PROM1: variants seen among roughly 807,000 people sequenced by gnomAD.
PROM1 encodes the protein prominin-1.
A neutral mutation model predicts 116.9 loss-of-function variants in PROM1; 105 were observed. The observed-to-expected ratio is 0.90, with a 90% CI of 0.77 to 1.06. The LOEUF (loss-of-function observed/expected upper bound fraction) is 1.06, where lower values mean the gene tolerates loss of function less well. Ranked by LOEUF, PROM1 falls within the 50% of genes least tolerant of loss-of-function variation. PROM1 has a pLI of 0.00. For synonymous variants in PROM1, 393 were observed against 387.0 expected (o/e 1.02, Z -0.18); for missense variants, 1,122 against 1,045.2 (o/e 1.07, Z -1.01).
At chr4:16,066,433 G>C (rs1234262266) in intron 2 of PROM1, among the ~76,000 whole-genome samples, 2 of 152,140 alleles carry the variant, frequency 1.3e-5, no homozygotes, top group Non-Finnish European at 2.9e-5. Context: ...TTCCACTTTA[G>C]AGAGGGAAAA....
chr4:16,071,632 G>A (rs1742850729), intron 2 of PROM1, among the ~76,000 whole-genome samples: 1 of 152,176 alleles, frequency 6.6e-6, no homozygotes, highest in African/African-American at 2.4e-5. Flanking sequence ...CCTGCACCCA[G>A]GAAAGAGCAT....
intron 9 of PROM1, among the ~76,000 whole-genome samples, chr4:16,017,283 A>G (rs1728631907): frequency 6.6e-6 from 1 of 152,204 alleles, no homozygotes; most frequent in African/African-American, 2.4e-5. Flanking sequence ...AAGGGTGTGA[A>G]CAGGGATCCA....
chr4:15,990,592 A>G (rs1720725228), intron 18 of PROM1, among the ~76,000 whole-genome samples: 1 of 152,240 alleles, frequency 6.6e-6, no homozygotes, highest in South Asian at 2.1e-4. Context: ...AAACAGATCC[A>G]GAGCTAAAGT....
In PROM1 at chr4:15,989,835, A is replaced by C; in HGVS notation, c.1984-11T>G. 1 of 1,572,716 alleles carries C rather than the reference A, an allele frequency of 6.4e-7. No individual in the cohort carries two copies. ...CAAATTTCCTGGGGGCTACAAAAAGAATAAAAAACAAAGATCAATACCATC... is the reference window on the plus strand; with the variant it reads ...CAAATTTCCTGGGGGCTACAAAAAGCATAAAAAACAAAGATCAATACCATC... On this transcript the variant is annotated splice_polypyrimidine_tract_variant and intron_variant, in intron 18 of 27. Coordinates refer to ENST00000447510, the MANE Select transcript of PROM1 (RefSeq NM_006017.3).
At chr4:16,006,513 A>G (rs1416288787) in intron 13 of PROM1, 25 bp downstream of exon 13, 5 of 1,562,996 alleles carry the variant, frequency 3.2e-6, no homozygotes, top group African/African-American at 2.7e-5. Flanking sequence ...CCACTCCCAC[A>G]TGACAGAGAG....
intron 14 of PROM1, among the ~76,000 whole-genome samples, chr4:15,999,974 A>G (rs376756760): frequency 2.6e-5 from 4 of 152,210 alleles, no homozygotes; most frequent in East Asian, 1.9e-4. Flanking sequence ...GAGAGGGAGA[A>G]AGCGAAGCTT....
In PROM1 at chr4:16,016,231, C is replaced by T. The variant is rs761733264; in HGVS notation, c.1012G>A (p.Val338Met). 1.8e-5 allele frequency: 28 copies of T among 1,549,464 alleles called. No homozygotes were observed. The South Asian group carries it at 2.5e-4, about 14-fold the overall frequency. Residue 338 changes from valine to methionine, a missense_variant, in exon 10 of 28, where the codon GTG (valine) becomes ATG (methionine). Physicochemically the swap from Val to Met is conservative, Grantham distance 21. Coordinates refer to ENST00000447510, the MANE Select transcript of PROM1 (RefSeq NM_006017.3). ...SNPELRQLPPVDAELDNVNNV... is the reference protein window; with the variant it reads ...SNPELRQLPPMDAELDNVNNV... ...TTAACGTTGTCAAGTTCTGCATCCA[C>T]GGGTGGAAGCTGAAAATTTATAAAA...
chr4:16,041,269 A>C (rs1157570882), intron 2 of PROM1, among the ~76,000 whole-genome samples: 1 of 152,258 alleles, frequency 6.6e-6, no homozygotes, highest in Non-Finnish European at 1.5e-5. Flanking sequence ...AGTTACACTT[A>C]AGAAGGCTCT....
intron 23 of PROM1, among the ~76,000 whole-genome samples, chr4:15,982,258 C>T (rs938406032): frequency 2.0e-5 from 3 of 152,196 alleles, no homozygotes; most frequent in Non-Finnish European, 4.4e-5. Flanking sequence ...ACCTGCTTCA[C>T]CCTCACAGCT....
Position 16,000,505 on chromosome 4 carries a change from T to C in PROM1, c.1569A>G (p.Glu523=). The C allele has an allele frequency of 6.3e-7, 1 of 1,590,718 alleles. No homozygotes were observed. Among genetic ancestry groups the C allele is most frequent in the Non-Finnish European group, 8.6e-7 (1 of 1,160,642 alleles). The change falls in exon 14 of 28, where the codon GAA becomes GAG. Residue 523 remains glutamate (E), a synonymous_variant. Coordinates refer to ENST00000447510, the MANE Select transcript of PROM1 (RefSeq NM_006017.3). ...KLICEPYTSK[E]LFRVLDTPYL... ...AGAAAATCATATTTACCCGGAATAATTCCTTGCTCGTGTAAGGTTCACAGA... is the reference window on the plus strand; with the variant it reads ...AGAAAATCATATTTACCCGGAATAACTCCTTGCTCGTGTAAGGTTCACAGA...
chr4:16,028,784 G>A (rs2149359991), intron 5 of PROM1, among the ~76,000 whole-genome samples: 1 of 152,276 alleles, frequency 6.6e-6, no homozygotes. Flanking sequence ...TGACATAAAT[G>A]CCTTTAAACA....
intron 26 of PROM1, among the ~76,000 whole-genome samples, chr4:15,975,880 C>T: frequency 6.6e-6 from 1 of 152,220 alleles, no homozygotes; most frequent in Middle Eastern, 3.2e-3. Flanking sequence ...GCGAAACTCA[C>T]ATAAGGTGTC....
intron 10 of PROM1, among the ~76,000 whole-genome samples, chr4:16,014,859 C>G (rs1188690792): frequency 1.3e-5 from 2 of 152,186 alleles, no homozygotes; most frequent in East Asian, 3.8e-4. Flanking sequence ...TGGTAAGCTA[C>G]TGGGGAAATC....
chr4:16,014,194 A>C (rs890581418), intron 10 of PROM1, among the ~76,000 whole-genome samples: 2 of 149,232 alleles, frequency 1.3e-5, no homozygotes, highest in Non-Finnish European at 1.5e-5. Flanking sequence ...CAGCACTTTC[A>C]GCCTTCATAA....
intron 4 of PROM1, among the ~76,000 whole-genome samples, chr4:16,034,551 C>G (rs1448017190): frequency 6.6e-6 from 1 of 152,080 alleles, no homozygotes; most frequent in East Asian, 1.9e-4. Flanking sequence ...ATCATGTGAC[C>G]TAAACATATT....
chr4:15,970,983 G>T, intron 27 of PROM1, 60 bp downstream of exon 27: 1 of 1,325,660 alleles, frequency 7.5e-7, no homozygotes, highest in Non-Finnish European at 1.1e-6. Context: ...ATGTTTTGAT[G>T]TTCTAAAAAC....
chr4:16,066,368 A>G (rs530391653), intron 2 of PROM1, among the ~76,000 whole-genome samples: 1 of 152,316 alleles, frequency 6.6e-6, no homozygotes, highest in East Asian at 1.9e-4. Context: ...TTATAAATAT[A>G]ATTTACCTAA....
intron 26 of PROM1, among the ~76,000 whole-genome samples, chr4:15,977,800 G>GT (rs1435151423): frequency 6.6e-6 from 1 of 152,102 alleles, no homozygotes; most frequent in Non-Finnish European, 1.5e-5. Context: ...AGGTTTCACC[G>GT]TGTTAGCCAG....
intron 1 of PROM1, chr4:16,079,314 T>C (rs1014476192): frequency 6.6e-6 from 1 of 152,214 alleles, no homozygotes; most frequent in Non-Finnish European, 1.5e-5. Context: ...GAAACATAAC[T>C]GCTCACCGCA....
Sources: gnomAD v4.1 joint callset for allele counts (sites outside exome capture counted in the v4.1 genomes callset) on GRCh38, gnomAD v4.1.1 for gene constraint, MANE v1.5 for transcripts, NCBI Gene and HGNC (gene_info 2026-07-23, HGNC 2026-07-21) for gene names.